The following LRRC37A2 variants were observed in gnomAD, a reference collection of about 807,000 sequenced individuals.
The protein encoded by LRRC37A2 is leucine rich repeat containing 37 member A2.
In LRRC37A2, 9 loss-of-function variants were observed where a neutral mutation model predicts 68.8. The ratio of observed to expected loss-of-function variants is 0.13; its 90% confidence interval spans 0.08 to 0.23. LRRC37A2 has a LOEUF of 0.23. Among genes scored for constraint, LRRC37A2 ranks in the 10% least tolerant of loss-of-function variants. The pLI, the probability that LRRC37A2 is intolerant of heterozygous loss-of-function variation, is 1.00. For missense variants in LRRC37A2, 168 were observed against 950.4 expected (o/e 0.18, Z 10.82); for synonymous variants, 63 against 367.6 (o/e 0.17, Z 9.48).
chr17:47,001,071 G>A, the LRRC37A2 span, among the ~76,000 whole-genome samples: 1 of 152,278 alleles, frequency 6.6e-6, no homozygotes, highest in South Asian at 2.1e-4. Context: ...AGGAGGTGGA[G>A]GTTGCAGTGA....
At chr17:46,799,046 CAAA>C in the LRRC37A2 span, among the ~76,000 whole-genome samples, 4 of 93,268 alleles carry the variant, frequency 4.3e-5, no homozygotes, top group Non-Finnish European at 2.1e-5. Flanking sequence ...GACTCCGTCT[CAAA>C]AAAAAAAAAA....
At chr17:46,503,226 AT>A in the LRRC37A2 span, among the ~76,000 whole-genome samples, 10 of 131,100 alleles carry the variant, frequency 7.6e-5, 2 homozygotes, top group Non-Finnish European at 9.7e-5. Context: ...AAAAAAAAAA[AT>A]AGTCTTCATT....
the LRRC37A2 span, among the ~76,000 whole-genome samples, chr17:47,010,203 G>A: frequency 2.6e-5 from 4 of 152,226 alleles, no homozygotes; most frequent in Non-Finnish European, 5.9e-5. Context: ...GAAGCTTAGC[G>A]CCTCAGATGG....
the LRRC37A2 span, among the ~76,000 whole-genome samples, chr17:46,864,880 G>A: frequency 1.3e-5 from 2 of 152,128 alleles, no homozygotes; most frequent in African/African-American, 2.4e-5. Flanking sequence ...CAGCCTCCAG[G>A]ACACCTTCCA....
At chr17:47,022,942 ATTG>A in the LRRC37A2 span, among the ~76,000 whole-genome samples, 1 of 152,248 alleles carries the variant, frequency 6.6e-6, no homozygotes, top group African/African-American at 2.4e-5. Flanking sequence ...TAGAAATGGA[ATTG>A]TTGGGGTGAA....
the LRRC37A2 span, among the ~76,000 whole-genome samples, chr17:46,794,580 G>C: frequency 6.6e-6 from 1 of 152,086 alleles, no homozygotes; most frequent in Non-Finnish European, 1.5e-5. Context: ...CCACCGTGGA[G>C]AGGATAAAAA....
At chr17:47,034,245 A>G in the LRRC37A2 span, among the ~76,000 whole-genome samples, 10 of 152,352 alleles carry the variant, frequency 6.6e-5, no homozygotes, top group African/African-American at 2.2e-4. Flanking sequence ...GTTTGTGGAA[A>G]AGAGTTGCTG....
At chr17:46,997,605 A>G in the LRRC37A2 span, among the ~76,000 whole-genome samples, 1 of 152,232 alleles carries the variant, frequency 6.6e-6, no homozygotes, top group African/African-American at 2.4e-5. Context: ...TATAAATGAC[A>G]TCATGGATTT....
chr17:46,944,042 C>T, the LRRC37A2 span, among the ~76,000 whole-genome samples: 1 of 152,210 alleles, frequency 6.6e-6, no homozygotes, highest in Non-Finnish European at 1.5e-5. Context: ...CCCTTCCTTC[C>T]AGGCATCTGT....
chr17:46,749,621 A>C, the LRRC37A2 span: 1 of 686,884 alleles, frequency 1.5e-6, no homozygotes, highest in Non-Finnish European at 2.3e-6. Context: ...CAGGATTTTC[A>C]GGAAAATCCT....
chr17:46,716,927 A>G, the LRRC37A2 span, among the ~76,000 whole-genome samples: 1 of 152,352 alleles, frequency 6.6e-6, no homozygotes, highest in South Asian at 2.1e-4. Context: ...TCTGAACATT[A>G]TTTTAAATTA....
chr17:46,841,459 G>C, the LRRC37A2 span, among the ~76,000 whole-genome samples: 3 of 152,268 alleles, frequency 2.0e-5, no homozygotes, highest in Admixed American at 2.0e-4. Context: ...CTCTGGGCGG[G>C]AGGGTGGAGA....
chr17:46,810,518 T>C, the LRRC37A2 span, among the ~76,000 whole-genome samples: 1 of 152,122 alleles, frequency 6.6e-6, no homozygotes, highest in Non-Finnish European at 1.5e-5. Context: ...CACCTGAAGC[T>C]CTTCACGGCC....
the LRRC37A2 span, chr17:46,756,132 T>G: frequency 3.6e-6 from 1 of 276,188 alleles, no homozygotes; most frequent in Non-Finnish European, 6.8e-6. Flanking sequence ...ACTACACGTT[T>G]CAACCTCTCT....
the LRRC37A2 span, among the ~76,000 whole-genome samples, chr17:46,867,104 A>G: frequency 5.3e-5 from 8 of 152,342 alleles, no homozygotes; most frequent in East Asian, 1.4e-3. Flanking sequence ...AGGCCAGTGC[A>G]AAGCTTTCTC....
At chr17:46,404,879 A>AT in the LRRC37A2 span, among the ~76,000 whole-genome samples, 1 of 90,912 alleles carries the variant, frequency 1.1e-5, no homozygotes, top group Admixed American at 1.1e-4. Context: ...CAAACAAATT[A>AT]AAATAAATAA....
chr17:46,870,670 G>T, the LRRC37A2 span, among the ~76,000 whole-genome samples: 1 of 152,210 alleles, frequency 6.6e-6, no homozygotes, highest in African/African-American at 2.4e-5. Context: ...ACCCTCTGGT[G>T]AGGCTTCCAA....
the LRRC37A2 span, among the ~76,000 whole-genome samples, chr17:46,492,876 A>G: frequency 6.7e-6 from 1 of 150,070 alleles, no homozygotes; most frequent in East Asian, 1.9e-4. Context: ...TTGTATATTT[A>G]GTAGAGACGG....
the LRRC37A2 span, among the ~76,000 whole-genome samples, chr17:46,728,695 G>A: frequency 6.7e-6 from 1 of 150,316 alleles, no homozygotes; most frequent in East Asian, 1.9e-4. Context: ...TGTTATTTAA[G>A]ACTGTTTACT....
Sources: allele counts gnomAD v4.1 joint callset (sites outside exome capture counted in the v4.1 genomes callset), GRCh38; gene constraint gnomAD v4.1.1; transcripts MANE v1.5; gene names NCBI Gene and HGNC (gene_info 2026-07-23, HGNC 2026-07-21).